The following TXNDC9 variants were observed in gnomAD, a reference collection of about 807,000 sequenced individuals.
TXNDC9 encodes the protein thioredoxin domain-containing protein 9.
TXNDC9 carries 7 observed loss-of-function variants against 23.0 expected under a neutral mutation model. The observed-to-expected ratio is 0.30, with a 90% CI of 0.17 to 0.57. TXNDC9 has a LOEUF of 0.57. Ranked by LOEUF, TXNDC9 falls within the 20% of genes least tolerant of loss-of-function variation. TXNDC9 has a pLI of 0.90. For missense variants in TXNDC9, 198 were observed against 252.6 expected, an observed-to-expected ratio of 0.78 and a Z score of 1.47; for synonymous variants, 72 against 90.6, an observed-to-expected ratio of 0.79 and a Z score of 1.17.
chr2:99,323,164 T>C (rs1439671205), intron 3 of TXNDC9, among the ~76,000 whole-genome samples: 1 of 151,084 alleles, frequency 6.6e-6, no homozygotes, highest in African/African-American at 2.4e-5. Flanking sequence ...CTTGGCACTT[T>C]GGGAGGCTGA....
At chr2:99,329,478 G>A (rs1202051101) in intron 2 of TXNDC9, among the ~76,000 whole-genome samples, 2 of 152,202 alleles carry the variant, frequency 1.3e-5, no homozygotes, top group East Asian at 3.8e-4. Flanking sequence ...GGACGTCAGT[G>A]AACGTGGCCC....
intron 3 of TXNDC9, among the ~76,000 whole-genome samples, chr2:99,327,140 T>G (rs944246085): frequency 6.6e-6 from 1 of 152,174 alleles, no homozygotes; most frequent in Non-Finnish European, 1.5e-5. Flanking sequence ...TGTCGCGATC[T>G]CCGCTCACTG....
In TXNDC9 at chr2:99,328,858, A is replaced by T. The variant is rs187259079; in HGVS notation, c.190-1205T>A. Among the ~76,000 whole-genome samples the T allele has an allele frequency of 2.3e-3, 344 of 151,748 alleles. 4 individuals are homozygous for T. Among genetic ancestry groups the T allele is most frequent in the African/African-American group, 8.1e-3 (335 of 41,416 alleles). On this transcript the variant is annotated intron_variant, in intron 2 of 4. Transcript: ENST00000264255. The stretch of plus-strand genomic sequence containing the variant: ...CAAGAAATTACCTAGCTGTGGTGGT[A>T]GGCGCCTGTAATCCCAGCTACTTGG...
chr2:99,327,738 G>C, intron 2 of TXNDC9, 85 bp from the exon 3 acceptor site: 1 of 709,544 alleles, frequency 1.4e-6, no homozygotes, highest in Admixed American at 2.9e-5. Flanking sequence ...AATCACCATC[G>C]TATTTTGTAA....
At chr2:99,334,851 A>T (rs2094234896) in intron 1 of TXNDC9, among the ~76,000 whole-genome samples, 1 of 152,186 alleles carries the variant, frequency 6.6e-6, no homozygotes. Context: ...AGCCGGGACT[A>T]CAGGCGCCCG....
chr2:99,316,884 G>A (rs2094190278), downstream of TXNDC9, among the ~76,000 whole-genome samples: 1 of 152,120 alleles, frequency 6.6e-6, no homozygotes. Flanking sequence ...AGCCTCCCCA[G>A]TAGGTGGGAC....
At chr2:99,332,430 G>A (rs890065521) in intron 2 of TXNDC9, among the ~76,000 whole-genome samples, 6 of 152,072 alleles carry the variant, frequency 3.9e-5, no homozygotes, top group Non-Finnish European at 7.4e-5. Flanking sequence ...GTGTCACAGC[G>A]AGACTCCATC....
chr2:99,318,476 G>C (rs1377915730), downstream of TXNDC9, among the ~76,000 whole-genome samples: 1 of 152,152 alleles, frequency 6.6e-6, no homozygotes, highest in African/African-American at 2.4e-5. Flanking sequence ...GCCCGGCCCA[G>C]AGCTGTTTTT....
At chr2:99,320,680 G>T (rs1292630397) in intron 4 of TXNDC9, among the ~76,000 whole-genome samples, 1 of 152,136 alleles carries the variant, frequency 6.6e-6, no homozygotes, top group Non-Finnish European at 1.5e-5. Flanking sequence ...TTCAATAATT[G>T]TACTGTCGCT....
At chr2:99,321,024 T>TA (rs2094200415) in intron 4 of TXNDC9, 1 of 152,116 alleles carries the variant, frequency 6.6e-6, no homozygotes, top group Non-Finnish European at 1.5e-5. Flanking sequence ...CTTCTGAGAT[T>TA]ACACAAGTGC....
Position 99,330,730 on chromosome 2 carries a change from C to T in TXNDC9, c.189+2292G>A, listed in dbSNP as rs945816782. Among the ~76,000 whole-genome samples the T allele has an allele frequency of 5.3e-5, 8 of 152,226 alleles. No homozygotes were observed. The South Asian group carries it at 1.2e-3, about 24-fold the overall frequency. ...AGATTCACCTAGGTCTATTAAGTGC[C>T]GACTGTAAGTCAATGCATACAATGA... is the stretch of plus-strand genomic sequence containing the variant. On this transcript the variant is annotated intron_variant, in intron 2 of 4. Transcript: ENST00000264255.
intron 3 of TXNDC9, among the ~76,000 whole-genome samples, chr2:99,324,850 A>T (rs964731016): frequency 6.6e-6 from 1 of 152,212 alleles, no homozygotes; most frequent in Non-Finnish European, 1.5e-5. Context: ...GGTTCAAGCA[A>T]TTCCCCTGCC....
chr2:99,333,110 T>C lies in TXNDC9; in HGVS notation c.101A>G (p.Gln34Arg). 6.2e-7 allele frequency: 1 copy of C among 1,614,192 alleles called. No homozygotes were observed. Among genetic ancestry groups the C allele is most frequent in the Non-Finnish European group, 8.5e-7 (1 of 1,180,032 alleles). The change falls in exon 2 of 5, where the codon CAA becomes CGA. Residue 34 changes from glutamine (Q) to arginine (R), a missense_variant. Gln to Arg is a conservative substitution (Grantham distance 43). Coordinates refer to ENST00000264255, the MANE Select transcript of TXNDC9 (RefSeq NM_005783.4). Reference protein sequence around the residue: ...LVEEHLDSEIQKLDQMDEDEL... With the variant: ...LVEEHLDSEIRKLDQMDEDEL... ...ATCCTCATCCATCTGATCCAGTTTT[T>C]GAATTTCAGAATCCAAATGTTCTTC...
intron 3 of TXNDC9, 46 bp downstream of exon 3, chr2:99,327,489 T>C: frequency 7.4e-7 from 1 of 1,359,888 alleles, no homozygotes; most frequent in Non-Finnish European, 1.0e-6. Context: ...AGCCAAACAA[T>C]TCACTGTGTT....
chr2:99,327,384 T>G (rs976765464), intron 3 of TXNDC9, 151 bp downstream of exon 3: 1 of 592,300 alleles, frequency 1.7e-6, no homozygotes, highest in Non-Finnish European at 3.0e-6. Flanking sequence ...CTGCTTAACT[T>G]AATACTAAAT....
At chr2:99,330,316 A>AAAAAAAAAAAAAAAAAC (rs1385608079) in intron 2 of TXNDC9, among the ~76,000 whole-genome samples, 1 of 143,898 alleles carries the variant, frequency 6.9e-6, no homozygotes, top group Non-Finnish European at 1.5e-5. Context: ...AAAAAAAAAA[A>AAAAAAAAAAAAAAAAAC]AAAGCTGCTA....
chr2:99,315,010 C>T (rs1431378040), downstream of TXNDC9, among the ~76,000 whole-genome samples: 1 of 150,280 alleles, frequency 6.7e-6, no homozygotes, highest in Non-Finnish European at 1.5e-5. Flanking sequence ...ATTCTCCTGC[C>T]TCAGCCTCCC....
chr2:99,327,506 GAA>G, intron 3 of TXNDC9, 27 bp downstream of exon 3: 5 of 1,484,192 alleles, frequency 3.4e-6, no homozygotes, highest in Non-Finnish European at 4.7e-6. Context: ...TGTTTTTTTA[GAA>G]AAAGTCACAG....
At position 99,336,236 on chromosome 2, in the gene TXNDC9, C is replaced by G. The variant is rs1164017072; in HGVS notation, c.-33+3G>C. The G allele has an allele frequency of 1.0e-6, 1 of 985,288 alleles. No homozygotes were observed. Among genetic ancestry groups the G allele is most frequent in the Non-Finnish European group, 1.2e-6 (1 of 829,944 alleles). 61.0% of individuals were successfully genotyped at this position (985,288 alleles called of 1,614,324 possible). A position where few individuals can be genotyped will look rare whatever the true frequency, so the allele number is the denominator to read the frequency against. On this transcript the variant is annotated splice_donor_region_variant and intron_variant, in intron 1 of 4. Coordinates refer to ENST00000264255, the MANE Select transcript of TXNDC9 (RefSeq NM_005783.4). ...GGATTCTTCTCACTACCCTCTGCCT[C>G]ACCTGAGCTCTCGGTGACGCCTGAG...
Sources: gnomAD v4.1 joint callset for allele counts (sites outside exome capture counted in the v4.1 genomes callset) on GRCh38, gnomAD v4.1.1 for gene constraint, MANE v1.5 for transcripts, NCBI Gene and HGNC (gene_info 2026-07-23, HGNC 2026-07-21) for gene names.